ITPR2: variants seen among roughly 807,000 people sequenced by gnomAD.
The protein encoded by ITPR2 is inositol 1,4,5-trisphosphate-gated calcium channel ITPR2.
ITPR2 carries 207 observed loss-of-function variants against 317.1 expected under a neutral mutation model. The observed-to-expected ratio is 0.65, with a 90% CI of 0.58 to 0.73. ITPR2 has a LOEUF of 0.73. Ranked by LOEUF, ITPR2 falls within the 30% of genes least tolerant of loss-of-function variation. The pLI, the probability that ITPR2 is intolerant of heterozygous loss-of-function variation, is 0.00. For missense variants in ITPR2, 2,613 were observed against 3,284.0 expected (o/e 0.80, Z 4.99); for synonymous variants, 1,156 against 1,149.1 (o/e 1.01, Z -0.12).
intron 47 of ITPR2, among the ~76,000 whole-genome samples, chr12:26,437,041 A>G (rs1941369677): frequency 6.6e-6 from 1 of 152,246 alleles, no homozygotes; most frequent in South Asian, 2.1e-4. Context: ...CTGTTATCAC[A>G]AATGAATTAG....
At chr12:26,594,595 C>T (rs1211853313) in intron 32 of ITPR2, among the ~76,000 whole-genome samples, 2 of 152,114 alleles carry the variant, frequency 1.3e-5, no homozygotes, top group East Asian at 1.9e-4. Context: ...GGGCTGAGTC[C>T]AGCCACCATC....
chr12:26,355,564 T>C (rs754809878), intron 55 of ITPR2, among the ~76,000 whole-genome samples: 13 of 152,250 alleles, frequency 8.5e-5, no homozygotes, highest in African/African-American at 1.9e-4. Flanking sequence ...AAAATGCCTA[T>C]AACAATGGGT....
chr12:26,581,464 A>G (rs978977336), intron 32 of ITPR2, among the ~76,000 whole-genome samples: 54 of 152,210 alleles, frequency 3.5e-4, no homozygotes, highest in African/African-American at 1.2e-3. Flanking sequence ...AGTGCAATTA[A>G]CGGAAATAAA....
chr12:26,402,543 T>C (rs1458423640), intron 52 of ITPR2, among the ~76,000 whole-genome samples: 1 of 152,326 alleles, frequency 6.6e-6, no homozygotes, highest in East Asian at 1.9e-4. Context: ...TGATTAGCTG[T>C]TGTGGAATAA....
chr12:26,447,577 C>T (rs887934250), intron 45 of ITPR2, among the ~76,000 whole-genome samples: 1 of 150,966 alleles, frequency 6.6e-6, no homozygotes, highest in Non-Finnish European at 1.5e-5. Context: ...ATTATTTCTT[C>T]GTATTTTTCA....
At chr12:26,584,440 A>T (rs1389188635) in intron 32 of ITPR2, among the ~76,000 whole-genome samples, 2 of 152,326 alleles carry the variant, frequency 1.3e-5, no homozygotes, top group East Asian at 3.9e-4. Flanking sequence ...GAACAAGCAG[A>T]TGTTAAGTGA....
chr12:26,750,647 G>C, intron 2 of ITPR2, among the ~76,000 whole-genome samples: 1 of 152,182 alleles, frequency 6.6e-6, no homozygotes, highest in East Asian at 1.9e-4. Flanking sequence ...GGGTCATATG[G>C]CTATAACCAA....
At chr12:26,781,084 A>G (rs1950066846) in intron 2 of ITPR2, among the ~76,000 whole-genome samples, 3 of 152,228 alleles carry the variant, frequency 2.0e-5, no homozygotes, top group African/African-American at 7.2e-5. Context: ...TAGTATTACC[A>G]TGCCTTGTGA....
chr12:26,410,219 G>A (rs75803888), intron 52 of ITPR2, among the ~76,000 whole-genome samples: 12,477 of 152,236 alleles, frequency 0.082, 678 homozygotes, highest in South Asian at 0.18. Flanking sequence ...AATGCTATAC[G>A]AGTCAAGAAT....
At chr12:26,733,050 G>A (rs1049685039) in intron 2 of ITPR2, among the ~76,000 whole-genome samples, 1 of 152,262 alleles carries the variant, frequency 6.6e-6, no homozygotes, top group Non-Finnish European at 1.5e-5. Context: ...CCACTGGCCA[G>A]GCCAGGCACG....
intron 4 of ITPR2, 68 bp downstream of exon 4, chr12:26,724,588 G>T: frequency 1.1e-6 from 1 of 926,602 alleles, no homozygotes; most frequent in Non-Finnish European, 1.7e-6. Flanking sequence ...AACGCAGTTT[G>T]GCTTTCCTGC....
intron 37 of ITPR2, among the ~76,000 whole-genome samples, chr12:26,549,392 G>C (rs552405250): frequency 6.6e-6 from 1 of 152,166 alleles, no homozygotes; most frequent in East Asian, 1.9e-4. Context: ...TCTAAGATGG[G>C]AATGCACTTT....
chr12:26,558,693 C>T (rs1319749046), intron 35 of ITPR2, among the ~76,000 whole-genome samples: 3 of 152,226 alleles, frequency 2.0e-5, no homozygotes, highest in Admixed American at 2.0e-4. Flanking sequence ...TTGCTATCTA[C>T]ATTTTCTTCC....
At chr12:26,660,204 C>T (rs538283727) in intron 15 of ITPR2, among the ~76,000 whole-genome samples, 39 of 152,208 alleles carry the variant, frequency 2.6e-4, no homozygotes, top group African/African-American at 8.7e-4. Flanking sequence ...AAAGCAAAGT[C>T]GAAGTTTGAG....
chr12:26,589,635 A>G (rs1945632661), intron 32 of ITPR2, among the ~76,000 whole-genome samples: 1 of 147,990 alleles, frequency 6.8e-6, no homozygotes. Context: ...TAAAATAGAA[A>G]AATTAGTCAG....
chr12:26,783,707 G>A (rs1273188294), intron 2 of ITPR2, among the ~76,000 whole-genome samples: 1 of 152,108 alleles, frequency 6.6e-6, no homozygotes, highest in African/African-American at 2.4e-5. Flanking sequence ...AACTCTGTTG[G>A]TATCATATGA....
intron 2 of ITPR2, among the ~76,000 whole-genome samples, chr12:26,761,208 G>A (rs571165066): frequency 6.6e-6 from 1 of 152,242 alleles, no homozygotes; most frequent in Non-Finnish European, 1.5e-5. Flanking sequence ...CACCAGGCCA[G>A]CCTGCTCAAG....
At chr12:26,758,136 T>C (rs536462146) in intron 2 of ITPR2, among the ~76,000 whole-genome samples, 3 of 152,188 alleles carry the variant, frequency 2.0e-5, no homozygotes, top group Non-Finnish European at 2.9e-5. Context: ...CCAGAGTCAG[T>C]GTCATCCCCA....
chr12:26,469,510 G>T (rs1942249930), intron 45 of ITPR2, among the ~76,000 whole-genome samples: 2 of 151,990 alleles, frequency 1.3e-5, no homozygotes, highest in Non-Finnish European at 2.9e-5. Context: ...AAACCCTCCA[G>T]ATCAACCAAT....
Sources: allele counts gnomAD v4.1 joint callset (sites outside exome capture counted in the v4.1 genomes callset), GRCh38; gene constraint gnomAD v4.1.1; transcripts MANE v1.5; gene names NCBI Gene and HGNC (gene_info 2026-07-23, HGNC 2026-07-21).